The following PON3 variants were observed in gnomAD, a reference collection of about 807,000 sequenced individuals.
The protein encoded by PON3 is serum paraoxonase/lactonase 3.
Under a neutral mutation model 36.3 loss-of-function variants are expected in PON3, and 37 were observed. That is an observed-to-expected ratio of 1.02 (90% confidence interval 0.78 to 1.34). The LOEUF (loss-of-function observed/expected upper bound fraction) is 1.34, where lower values mean the gene tolerates loss of function less well. Among genes scored for constraint, PON3 ranks in the 40% most tolerant of loss-of-function variants. The pLI is 0.00. For missense variants in PON3, 415 were observed against 426.5 expected (o/e 0.97, Z 0.24); for synonymous variants, 155 against 154.8 (o/e 1.00, Z -0.01).
At chr7:95,393,223 T>G (rs1439644437) in intron 2 of PON3, among the ~76,000 whole-genome samples, 3 of 152,198 alleles carry the variant, frequency 2.0e-5, no homozygotes, top group African/African-American at 7.2e-5. Flanking sequence ...TCTCATCACA[T>G]TCTAATAAAT....
rs80146474 is a variant in PON3, at chr7:95,395,301, G to T, written c.75-587C>A. ...AATTTTCTTGTTTCCAGAGTGAAAA[G>T]GAATGTTTCCACATTCTTCTAATAT... On this transcript the variant is annotated intron_variant, in intron 1 of 8. Coordinates refer to ENST00000265627, the MANE Select transcript of PON3 (RefSeq NM_000940.3). Among the ~76,000 whole-genome samples, 973 of 152,122 alleles carry T rather than the reference G, an allele frequency of 6.4e-3. 8 individuals carry two copies. Among genetic ancestry groups the T allele is most frequent in the African/African-American group, 0.022 (919 of 41,510 alleles).
intron 4 of PON3, among the ~76,000 whole-genome samples, chr7:95,369,160 T>C (rs912430746): frequency 6.6e-6 from 1 of 152,218 alleles, no homozygotes; most frequent in African/African-American, 2.4e-5. Context: ...TACTATGTGC[T>C]CTGCCTGTCC....
chr7:95,372,116 G>T, intron 4 of PON3, 57 bp downstream of exon 4: 1 of 1,543,944 alleles, frequency 6.5e-7, no homozygotes. Context: ...AGGGGCTGGA[G>T]ATAAATGGTT....
chr7:95,370,355 G>A (rs929247584), intron 4 of PON3, among the ~76,000 whole-genome samples: 3 of 152,122 alleles, frequency 2.0e-5, no homozygotes, highest in Non-Finnish European at 4.4e-5. Flanking sequence ...AGATATTTCA[G>A]ACTGGAGAGA....
intron 4 of PON3, among the ~76,000 whole-genome samples, chr7:95,371,724 A>C (rs988840158): frequency 6.6e-6 from 1 of 152,174 alleles, no homozygotes; most frequent in African/African-American, 2.4e-5. Flanking sequence ...TACAAATACT[A>C]TCTCTCATTC....
chr7:95,374,428 C>T (rs1286464213), intron 3 of PON3, among the ~76,000 whole-genome samples: 1 of 152,076 alleles, frequency 6.6e-6, no homozygotes, highest in East Asian at 1.9e-4. Flanking sequence ...AGAGATTACA[C>T]CCTCTCTCTC....
chr7:95,390,211 T>G lies in PON3; in HGVS notation c.146-2A>C, dbSNP rs1040240570. The G allele has an allele frequency of 2.5e-6, 4 of 1,609,970 alleles. No homozygotes were observed. Among genetic ancestry groups the G allele is most frequent in the Admixed American group, 1.7e-5 (1 of 59,984 alleles). On this transcript the variant is annotated splice_acceptor_variant, in intron 2 of 8. Transcript: ENST00000265627. LOFTEE classifies it high-confidence loss of function. Reference sequence around the variant, plus strand: ...TATCAATATCTTCAGAGCCACTTTCTGCAAAAGAAGGGTAGAATCAGAAAA... The same window carrying G: ...TATCAATATCTTCAGAGCCACTTTCGGCAAAAGAAGGGTAGAATCAGAAAA...
intron 3 of PON3, among the ~76,000 whole-genome samples, chr7:95,387,522 G>T (rs1388374287): frequency 6.6e-6 from 1 of 152,136 alleles, no homozygotes; most frequent in African/African-American, 2.4e-5. Context: ...CTCATGGATA[G>T]GAAGAATCAA....
chr7:95,373,578 T>C (rs1371186460), intron 3 of PON3, among the ~76,000 whole-genome samples: 1 of 152,154 alleles, frequency 6.6e-6, no homozygotes, highest in African/African-American at 2.4e-5. Flanking sequence ...CATAATCCTG[T>C]CGTCATCAAT....
At chr7:95,389,135 A>G (rs1486051147) in intron 3 of PON3, among the ~76,000 whole-genome samples, 2 of 152,186 alleles carry the variant, frequency 1.3e-5, no homozygotes, top group African/African-American at 4.8e-5. Context: ...TCAACAAGGA[A>G]AAAACTTTTC....
chr7:95,359,943 CTTTTTT>C lies in PON3; in HGVS notation c.*24_*29del. On this transcript the variant is annotated 3_prime_UTR_variant, in exon 9 of 9. Transcript: ENST00000265627. ...AGTTTACTTTTACAAAATATGTAGA[CTTTTTT>C]TTTTTTTTTTTACTATCTAGAGTCT... 1.4e-6 allele frequency: 2 copies of C among 1,464,962 alleles called. No homozygotes were observed. The highest frequency in any genetic ancestry group is 1.9e-5 in the Admixed American group (1 of 51,450). The allele number at this position is 1,464,962 out of a possible 1,614,324, so 90.7% of individuals were successfully genotyped here.
At chr7:95,379,046 G>A (rs1251595114) in intron 3 of PON3, among the ~76,000 whole-genome samples, 3 of 147,586 alleles carry the variant, frequency 2.0e-5, no homozygotes, top group African/African-American at 7.5e-5. Flanking sequence ...AAAATAAAGG[G>A]ATGGAGGAAG....
chr7:95,394,687 C>T lies in PON3; in HGVS notation c.102G>A (p.Val34=). 1 of 1,614,178 alleles carries T rather than the reference C, an allele frequency of 6.2e-7. No homozygotes were observed. The highest frequency in any genetic ancestry group is 2.2e-5 in the East Asian group (1 of 44,878). The change falls in exon 2 of 9, where the codon GTG becomes GTA. Residue 34 remains valine (V), a synonymous_variant. Coordinates refer to ENST00000265627, the MANE Select transcript of PON3 (RefSeq NM_000940.3). ...FRERVNASRE[V]EPVEPENCHL... Reference sequence around the variant, plus strand: ...GGCAGTTTTCAGGTTCTACTGGCTCCACTTCTCGAGAGGCATTCACCCTTT... The same window carrying T: ...GGCAGTTTTCAGGTTCTACTGGCTCTACTTCTCGAGAGGCATTCACCCTTT...
intron 3 of PON3, among the ~76,000 whole-genome samples, chr7:95,373,107 C>T (rs1279163282): frequency 6.6e-6 from 1 of 152,180 alleles, no homozygotes; most frequent in African/African-American, 2.4e-5. Flanking sequence ...AGTTACAAAA[C>T]AGTCCACTTC....
At chr7:95,375,760 T>C (rs1808902323) in intron 3 of PON3, among the ~76,000 whole-genome samples, 1 of 152,236 alleles carries the variant, frequency 6.6e-6, no homozygotes, top group South Asian at 2.1e-4. Context: ...TTCACCTAGT[T>C]TTCTGTGTAA....
In PON3 at chr7:95,359,990, G is replaced by T; in HGVS notation, c.1048C>A (p.Leu350Met). The change falls in exon 9 of 9, where the codon CTG becomes ATG. Residue 350 changes from leucine (L) to methionine (M), a missense_variant. Physicochemically the swap from Leu to Met is conservative, Grantham distance 15 (BLOSUM62 2). Coordinates refer to ENST00000265627, the MANE Select transcript of PON3 (RefSeq NM_000940.3). ...TCTAGAGTCTAGAGCTCACAGTACA[G>T]AGTTTTGTGAAATACGGTGCCTATG... The part of the protein sequence containing the change: ...ILIGTVFHKT[L>M]YCEL The T allele has an allele frequency of 6.2e-7, 1 of 1,605,502 alleles. No individual in the cohort carries two copies. The highest frequency in any genetic ancestry group is 8.5e-7 in the Non-Finnish European group (1 of 1,176,176).
intron 3 of PON3, among the ~76,000 whole-genome samples, 194 bp from the exon 4 acceptor site, chr7:95,372,532 A>T (rs138157812): frequency 2.6e-4 from 40 of 152,298 alleles, no homozygotes; most frequent in Admixed American, 1.5e-3. Context: ...AACATTGGCT[A>T]TGAACACAGA....
intron 1 of PON3, among the ~76,000 whole-genome samples, chr7:95,395,552 TAAG>T (rs1030068202): frequency 1.3e-5 from 2 of 152,194 alleles, no homozygotes; most frequent in African/African-American, 4.8e-5. Flanking sequence ...CGTGATCCTC[TAAG>T]AAGACCAGCT....
chr7:95,359,892 A>C lies in PON3; in HGVS notation c.*81T>G. 1 of 1,424,806 alleles carries C rather than the reference A, an allele frequency of 7.0e-7. No homozygotes were observed. The allele number at this position is 1,424,806 out of a possible 1,614,324, so 88.3% of individuals were successfully genotyped here. A position where few individuals can be genotyped will look rare whatever the true frequency, so the allele number is the denominator to read the frequency against. On this transcript the variant is annotated 3_prime_UTR_variant, in exon 9 of 9. Coordinates refer to ENST00000265627, the MANE Select transcript of PON3 (RefSeq NM_000940.3). ...ACTGGTTGGTGTTTGCTATTTACTTACAGTGCCACTTATCATACAATTATC... is the reference window on the plus strand; with the variant it reads ...ACTGGTTGGTGTTTGCTATTTACTTCCAGTGCCACTTATCATACAATTATC...
Sources: gnomAD v4.1 joint callset for allele counts (sites outside exome capture counted in the v4.1 genomes callset) on GRCh38, gnomAD v4.1.1 for gene constraint, MANE v1.5 for transcripts, NCBI Gene and HGNC (gene_info 2026-07-23, HGNC 2026-07-21) for gene names.